The following ATP2B2 variants were observed in gnomAD, a reference collection of about 807,000 sequenced individuals.
ATP2B2 encodes the protein plasma membrane calcium-transporting ATPase 2.
ATP2B2 carries 15 observed loss-of-function variants against 120.0 expected under a neutral mutation model. The observed-to-expected ratio is 0.12, with a 90% CI of 0.08 to 0.19. ATP2B2 has a LOEUF of 0.19. Ranked by LOEUF, ATP2B2 falls within the 10% of genes least tolerant of loss-of-function variation. ATP2B2 has a pLI of 1.00. For synonymous variants in ATP2B2, 694 were observed against 700.3 expected (o/e 0.99, Z 0.14); for missense variants, 1,045 against 1,719.8 (o/e 0.61, Z 6.94).
intron 14 of ATP2B2, among the ~76,000 whole-genome samples, chr3:10,353,483 G>A (rs1304880780): frequency 4.6e-5 from 7 of 152,260 alleles, no homozygotes; most frequent in East Asian, 1.9e-4. Context: ...AGGTATGAAC[G>A]GGCCTGAGGG....
intron 1 of ATP2B2, among the ~76,000 whole-genome samples, chr3:10,653,061 A>T (rs2070509339): frequency 6.6e-6 from 1 of 152,216 alleles, no homozygotes; most frequent in Non-Finnish European, 1.5e-5. Context: ...ACTGAACTGT[A>T]CACCTAAAAA....
chr3:10,686,115 G>GCCC lies in ATP2B2; in HGVS notation c.-460+21797_-460+21799dup, dbSNP rs571788775. 6.0e-3 allele frequency among the ~76,000 whole-genome samples: 777 copies of GCCC among 129,394 alleles called. 5 individuals are homozygous for GCCC. The highest frequency in any genetic ancestry group is 0.023 in the African/African-American group (752 of 32,550). The allele number at this position is 129,394 out of a possible 152,430, so 84.9% of individuals were successfully genotyped here. On this transcript the variant is annotated intron_variant, in intron 1 of 21. Coordinates refer to the ATP2B2 transcript ENST00000646379. ...CCCACTGGCCTAATGCCTTGTGGTT[G>GCCC]CCCTCATCTGAAGCATATAGGGTGG...
chr3:10,397,875 G>C (rs181695648), intron 5 of ATP2B2, among the ~76,000 whole-genome samples: 1 of 152,288 alleles, frequency 6.6e-6, no homozygotes, highest in East Asian at 1.9e-4. Flanking sequence ...TCTGATAATG[G>C]TCCCAACTGT....
intron 3 of ATP2B2, among the ~76,000 whole-genome samples, chr3:10,513,684 G>T (rs1270246966): frequency 6.6e-6 from 1 of 152,140 alleles, no homozygotes; most frequent in East Asian, 1.9e-4. Flanking sequence ...GGCCACAGTT[G>T]GGAGGAGAAG....
intron 11 of ATP2B2, among the ~76,000 whole-genome samples, chr3:10,372,498 T>C (rs1376663286): frequency 6.6e-6 from 1 of 152,222 alleles, no homozygotes; most frequent in Non-Finnish European, 1.5e-5. Context: ...ATTTTAATTT[T>C]ACCAAAAGTA....
At chr3:10,561,554 G>C (rs574873090) in intron 2 of ATP2B2, among the ~76,000 whole-genome samples, 1 of 152,290 alleles carries the variant, frequency 6.6e-6, no homozygotes, top group South Asian at 2.1e-4. Context: ...TAACGGTTTG[G>C]TTGTGTCCCC....
At chr3:10,359,768 C>T (rs1160214974) in intron 13 of ATP2B2, 114 bp downstream of exon 13, 28 of 1,496,586 alleles carry the variant, frequency 1.9e-5, no homozygotes, top group African/African-American at 4.1e-5. Flanking sequence ...CCACTCCAGC[C>T]GGGCAGGCTG....
chr3:10,439,916 G>A (rs546951153), intron 2 of ATP2B2, among the ~76,000 whole-genome samples: 60 of 151,292 alleles, frequency 4.0e-4, no homozygotes, highest in African/African-American at 1.0e-3. Context: ...CACCACACCC[G>A]GCTAATTTTT....
At chr3:10,393,193 G>A (rs186956946) in intron 5 of ATP2B2, among the ~76,000 whole-genome samples, 43 of 152,296 alleles carry the variant, frequency 2.8e-4, no homozygotes, top group Non-Finnish European at 4.0e-4. Flanking sequence ...AGGACATGGC[G>A]GGCCGGAAGG....
chr3:10,596,952 C>T (rs900136872), intron 2 of ATP2B2, among the ~76,000 whole-genome samples: 4 of 152,146 alleles, frequency 2.6e-5, no homozygotes, highest in Admixed American at 6.5e-5. Context: ...ACACCACAGG[C>T]GAGTACGCGT....
rs2060810476 is a variant in ATP2B2 at position 10,358,721 on chromosome 3, C to T, written c.2106G>A (p.Val702=). ...GCCGCACCGGGTCCTCGATGCCCAC[C>T]ACGCAGATGCAGGTGAGTTCGTTGA... ...DILNELTCIC[V]VGIEDPVRPE... The change falls in exon 14 of 23, where the codon GTG becomes GTA. Residue 702 remains valine (V), a synonymous_variant. Coordinates refer to ENST00000360273, the MANE Select transcript of ATP2B2 (RefSeq NM_001001331.4). The T allele has an allele frequency of 6.2e-7, 1 of 1,614,112 alleles. No individual in the cohort carries two copies. Among genetic ancestry groups the T allele is most frequent in the African/African-American group, 1.3e-5 (1 of 74,950 alleles).
In ATP2B2 at chr3:10,327,211, G is replaced by A. The variant is rs780604085; in HGVS notation, c.*1603C>T. The A allele has an allele frequency of 5.6e-5, 10 of 178,670 alleles. No homozygotes were observed. Among genetic ancestry groups the A allele is most frequent in the Non-Finnish European group, 8.2e-5 (7 of 85,732 alleles). The allele number at this position is 178,670 out of a possible 1,614,324, so 11.1% of individuals were successfully genotyped here. A position where few individuals can be genotyped will look rare whatever the true frequency, so the allele number is the denominator to read the frequency against. ...GCTCTTATTAAGTGGGATTACTAGT[G>A]CTGTTGTCTTGGGGAAAAAATAACC... On this transcript the variant is annotated 3_prime_UTR_variant, in exon 23 of 23. Coordinates refer to ENST00000360273, the MANE Select transcript of ATP2B2 (RefSeq NM_001001331.4).
Position 10,340,169 on chromosome 3 carries a change from C to A in ATP2B2, c.3237+73G>T. On this transcript the variant is annotated intron_variant, in intron 21 of 22. Coordinates refer to ENST00000360273, the MANE Select transcript of ATP2B2 (RefSeq NM_001001331.4). This position sits in a 1 kb window ranked among gnomAD's most constrained non-coding sequence, Gnocchi z 5.0. ...GGTCTGGCAGCCCATTCCTGGGGGT[C>A]CTGGATTCTCCATCCAGTGCTGTCT... The A allele has an allele frequency of 7.0e-7, 1 of 1,438,434 alleles. No individual in the cohort carries two copies. The allele number at this position is 1,438,434 out of a possible 1,614,324, so 89.1% of individuals were successfully genotyped here. A position where few individuals can be genotyped will look rare whatever the true frequency, so the allele number is the denominator to read the frequency against.
chr3:10,371,786 G>T (rs367994179), intron 12 of ATP2B2, 23 bp downstream of exon 12: 1 of 1,614,114 alleles, frequency 6.2e-7, no homozygotes, highest in Admixed American at 1.7e-5. Flanking sequence ...TCCAGGTGGT[G>T]GATGTGCCTG....
chr3:10,493,462 G>A (rs532706570), intron 1 of ATP2B2, among the ~76,000 whole-genome samples: 4 of 152,304 alleles, frequency 2.6e-5, no homozygotes, highest in African/African-American at 4.8e-5. Flanking sequence ...GCCAGGAGAG[G>A]GGTGGGGAAT....
intron 3 of ATP2B2, among the ~76,000 whole-genome samples, chr3:10,410,101 C>T (rs959262595): frequency 3.3e-5 from 5 of 152,146 alleles, no homozygotes; most frequent in East Asian, 3.8e-4. Flanking sequence ...CTGGTGACCT[C>T]GAGCAGATTA....
At chr3:10,497,015 G>C (rs776149575) in intron 1 of ATP2B2, among the ~76,000 whole-genome samples, 52 of 152,264 alleles carry the variant, frequency 3.4e-4, no homozygotes, top group Non-Finnish European at 6.3e-4. Flanking sequence ...CCAGGAGAGT[G>C]CTGGCTGGTG....
intron 4 of ATP2B2, 46 bp from the exon 5 acceptor site, chr3:10,401,124 A>G: frequency 6.2e-7 from 1 of 1,609,880 alleles, no homozygotes; most frequent in Non-Finnish European, 8.5e-7. Flanking sequence ...TCAGGTGACT[A>G]GAGGGCTGGA....
chr3:10,495,491 C>T (rs372660578), intron 1 of ATP2B2, among the ~76,000 whole-genome samples: 1 of 152,316 alleles, frequency 6.6e-6, no homozygotes, highest in Admixed American at 6.5e-5. Context: ...CACGGAGCCC[C>T]TAGCATCGAA....
Sources: gnomAD v4.1 joint callset for allele counts (sites outside exome capture counted in the v4.1 genomes callset) on GRCh38, gnomAD v4.1.1 for gene constraint, Gnocchi (gnomAD v3.1) non-coding constraint, MANE v1.5 for transcripts, NCBI Gene and HGNC (gene_info 2026-07-23, HGNC 2026-07-21) for gene names.